CSMD3: variants seen among roughly 807,000 people sequenced by gnomAD.
The protein encoded by CSMD3 is CUB and Sushi multiple domains 3.
CSMD3 carries 177 observed loss-of-function variants against 435.2 expected under a neutral mutation model. The ratio of observed to expected loss-of-function variants is 0.41; its 90% CI spans 0.36 to 0.46. The LOEUF is 0.46. Ranked by LOEUF, CSMD3 falls within the 20% of genes least tolerant of loss-of-function variation. The pLI, the probability that CSMD3 is intolerant of heterozygous loss-of-function variation, is 0.34. For missense variants in CSMD3, 4,265 were observed against 4,504.6 expected (o/e 0.95, Z 1.52); for synonymous variants, 1,656 against 1,520.5 (o/e 1.09, Z -2.07).
chr8:113,161,035 C>A (rs909020694), intron 4 of CSMD3, among the ~76,000 whole-genome samples: 1 of 152,036 alleles, frequency 6.6e-6, no homozygotes, highest in Non-Finnish European at 1.5e-5. Context: ...CCAACTGCAG[C>A]ATGTTTCTAA....
rs72258524 is a variant in CSMD3, at chr8:112,343,001, T to TTTTATATA, written c.6443-1316_6443-1315insTATATAAA. On this transcript the variant is annotated intron_variant, in intron 41 of 70. Transcript: ENST00000297405. ...TATATATATATTTATATATATATAT[T>TTTTATATA]TATATATATATATATTTATATATAT... Among the ~76,000 whole-genome samples the TTTTATATA allele has an allele frequency of 3.6e-5, 4 of 109,678 alleles. No homozygotes were observed. In the East Asian group the frequency reaches 1.1e-3, roughly 29 times the overall value. The allele number at this position is 109,678 out of a possible 152,430, so 72.0% of individuals were successfully genotyped here.
intron 12 of CSMD3, among the ~76,000 whole-genome samples, chr8:112,823,434 T>C (rs1447437457): frequency 1.3e-5 from 2 of 152,236 alleles, no homozygotes; most frequent in African/African-American, 4.8e-5. Context: ...TTGAGATCTT[T>C]GTAGCTTTCT....
At chr8:112,932,565 A>G (rs901417014) in intron 9 of CSMD3, among the ~76,000 whole-genome samples, 1 of 152,030 alleles carries the variant, frequency 6.6e-6, no homozygotes, top group African/African-American at 2.4e-5. Flanking sequence ...ATGAACCCAG[A>G]AGGCGGAGCT....
intron 27 of CSMD3, among the ~76,000 whole-genome samples, chr8:112,549,403 G>A (rs1445172552): frequency 6.6e-6 from 1 of 151,716 alleles, no homozygotes; most frequent in Non-Finnish European, 1.5e-5. Context: ...TGCAAATTTA[G>A]AGATATTGAC....
chr8:113,251,304 T>G (rs547180424), intron 3 of CSMD3, among the ~76,000 whole-genome samples: 99 of 152,202 alleles, frequency 6.5e-4, no homozygotes, highest in African/African-American at 2.4e-3. Flanking sequence ...AAAGTAAATT[T>G]AAGAGTGGAT....
intron 5 of CSMD3, among the ~76,000 whole-genome samples, chr8:113,085,530 A>C (rs2089731246): frequency 6.6e-6 from 1 of 152,200 alleles, no homozygotes; most frequent in Admixed American, 6.5e-5. Context: ...ATCAACCTAA[A>C]TGCCCATTGA....
intron 1 of CSMD3, among the ~76,000 whole-genome samples, chr8:113,404,702 A>G (rs974554994): frequency 3.3e-5 from 5 of 151,440 alleles, no homozygotes; most frequent in African/African-American, 1.2e-4. Context: ...ATATGTACAC[A>G]GATGTACACT....
intron 10 of CSMD3, among the ~76,000 whole-genome samples, chr8:112,912,793 G>T (rs1297449808): frequency 6.6e-6 from 1 of 151,646 alleles, no homozygotes; most frequent in Non-Finnish European, 1.5e-5. Flanking sequence ...TGAAGTGAGA[G>T]AAATTATTTG....
chr8:112,887,809 A>G (rs1364653295), intron 10 of CSMD3, among the ~76,000 whole-genome samples: 4 of 151,604 alleles, frequency 2.6e-5, no homozygotes, highest in Admixed American at 2.6e-4. Flanking sequence ...TTAGACTATC[A>G]CCCAAAAGAT....
intron 3 of CSMD3, among the ~76,000 whole-genome samples, chr8:113,250,563 C>A (rs1216202593): frequency 6.6e-6 from 1 of 151,968 alleles, no homozygotes; most frequent in Admixed American, 6.6e-5. Flanking sequence ...CCATTAGATG[C>A]AGAGCGGAGT....
chr8:112,248,675 T>C (rs1478331950), intron 63 of CSMD3, among the ~76,000 whole-genome samples: 1 of 152,174 alleles, frequency 6.6e-6, no homozygotes, highest in Non-Finnish European at 1.5e-5. Flanking sequence ...CTTAAGATGA[T>C]ATAATTTGAT....
At chr8:112,421,412 C>T (rs1812483393) in intron 32 of CSMD3, among the ~76,000 whole-genome samples, 1 of 151,534 alleles carries the variant, frequency 6.6e-6, no homozygotes, top group Admixed American at 6.6e-5. Flanking sequence ...AGAGTGGTGG[C>T]ACGTGCCTGT....
chr8:113,382,565 A>G (rs2094421028), intron 1 of CSMD3, among the ~76,000 whole-genome samples: 1 of 152,210 alleles, frequency 6.6e-6, no homozygotes. Context: ...AATACCATCT[A>G]CCAAAATGCA....
rs1226676731 is a variant in CSMD3, at chr8:112,462,363, C to T, written c.5395+10228G>A. ...TGAAATGTCATAACCACTGTTTAAA[C>T]AAATTGTTGTAAAATGTCTAGCTTC... On this transcript the variant is annotated intron_variant, in intron 32 of 70. Transcript: ENST00000297405. 2.6e-5 allele frequency among the ~76,000 whole-genome samples: 4 copies of T among 152,270 alleles called. No individual in the cohort carries two copies. In the East Asian group the frequency reaches 7.7e-4, roughly 29 times the overall value.
At chr8:112,575,911 C>T (rs1829903803) in intron 23 of CSMD3, among the ~76,000 whole-genome samples, 1 of 152,026 alleles carries the variant, frequency 6.6e-6, no homozygotes, top group Non-Finnish European at 1.5e-5. Context: ...TACACATTCA[C>T]AATCAAATCA....
chr8:113,057,827 A>G (rs1464974403), intron 5 of CSMD3, among the ~76,000 whole-genome samples: 1 of 151,930 alleles, frequency 6.6e-6, no homozygotes, highest in Non-Finnish European at 1.5e-5. Context: ...GATATGTAGG[A>G]TATGAAAATA....
At chr8:113,377,068 C>A in intron 1 of CSMD3, 1 of 1,305,968 alleles carries the variant, frequency 7.7e-7, no homozygotes. Flanking sequence ...GGGCAAGAGC[C>A]TCACTTTTCG....
intron 10 of CSMD3, among the ~76,000 whole-genome samples, chr8:112,874,512 T>G (rs2081225597): frequency 6.6e-6 from 1 of 152,158 alleles, no homozygotes; most frequent in Admixed American, 6.5e-5. Flanking sequence ...TGTTAAAGTC[T>G]TCCACTATTA....
rs555140146 is a variant in CSMD3, at chr8:112,718,801, A to G, written c.1973-28751T>C. ...CCTGTCCCCACTTATCTGAAGGTGT[A>G]TAGATGTATGAACCTTGTCTATTTT... On this transcript the variant is annotated intron_variant, in intron 13 of 70. Transcript: ENST00000297405. Among the ~76,000 whole-genome samples, 4 of 152,184 alleles carry G rather than the reference A, an allele frequency of 2.6e-5. No homozygotes were observed. In the East Asian group the frequency reaches 5.8e-4, roughly 22 times the overall value.
Sources: gnomAD v4.1 joint callset for allele counts (sites outside exome capture counted in the v4.1 genomes callset) on GRCh38, gnomAD v4.1.1 for gene constraint, MANE v1.5 for transcripts, NCBI Gene and HGNC (gene_info 2026-07-23, HGNC 2026-07-21) for gene names.